The following TTC7B variants were observed in gnomAD, a reference collection of about 807,000 sequenced individuals.
TTC7B encodes the protein tetratricopeptide repeat domain 7B.
In TTC7B, 28 loss-of-function variants were observed where a neutral mutation model predicts 106.8. The ratio of observed to expected loss-of-function variants is 0.26; its 90% CI spans 0.19 to 0.36. The LOEUF (loss-of-function observed/expected upper bound fraction) is 0.36. TTC7B is among the 10% of genes least tolerant of loss of function. The pLI is 1.00. For synonymous variants in TTC7B, 405 were observed against 430.6 expected (o/e 0.94, Z 0.74); for missense variants, 862 against 1,076.4 (o/e 0.80, Z 2.79).
rs913815716 is a variant in TTC7B, at chr14:90,624,054, C to T, written c.1752-6009G>A. 6.6e-6 allele frequency among the ~76,000 whole-genome samples: 1 copy of T among 152,078 alleles called. No individual in the cohort carries two copies. Among genetic ancestry groups the T allele is most frequent in the African/African-American group, 2.4e-5 (1 of 41,430 alleles). On this transcript the variant is annotated intron_variant, in intron 15 of 19. Transcript: ENST00000328459. This position sits in a 1 kb window ranked among gnomAD's most constrained non-coding sequence, Gnocchi z 4.0. ...AAACAAAAACAAAACAAAACAAAAC[C>T]CATGAGTGTGCCTGTATGCATATGC...
chr14:90,746,051 T>C (rs1027252544), intron 3 of TTC7B, among the ~76,000 whole-genome samples: 55 of 152,202 alleles, frequency 3.6e-4, no homozygotes, highest in African/African-American at 1.3e-3. Context: ...TAAAGTTTCC[T>C]TCAAATGCCT....
At chr14:90,686,818 C>A (rs1007380489) in intron 7 of TTC7B, among the ~76,000 whole-genome samples, 1 of 152,182 alleles carries the variant, frequency 6.6e-6, no homozygotes, top group Non-Finnish European at 1.5e-5. Context: ...AAAAGAAATA[C>A]AAGCTTTATA....
intron 3 of TTC7B, among the ~76,000 whole-genome samples, chr14:90,779,188 T>C (rs1167290738): frequency 6.6e-6 from 1 of 152,228 alleles, no homozygotes; most frequent in African/African-American, 2.4e-5. Flanking sequence ...ATTCAAAGTG[T>C]CCCTCTTCCT....
At chr14:90,666,394 C>T (rs1405964096) in intron 9 of TTC7B, among the ~76,000 whole-genome samples, 1 of 152,180 alleles carries the variant, frequency 6.6e-6, no homozygotes, top group Non-Finnish European at 1.5e-5. Flanking sequence ...CTCCTGACCT[C>T]AGGTGATATG....
At chr14:90,809,454 G>A (rs533971406) in intron 1 of TTC7B, among the ~76,000 whole-genome samples, 111 of 152,350 alleles carry the variant, frequency 7.3e-4, no homozygotes, top group African/African-American at 2.6e-3. Flanking sequence ...GCCCAATCAA[G>A]GAGGAAAATG....
intron 19 of TTC7B, among the ~76,000 whole-genome samples, chr14:90,571,118 C>A (rs947980025): frequency 1.3e-5 from 2 of 152,190 alleles, no homozygotes; most frequent in African/African-American, 4.8e-5. Context: ...ACAAGAAAGT[C>A]CCCTCTCACT....
chr14:90,744,301 TTTTC>T (rs530820356), intron 4 of TTC7B, among the ~76,000 whole-genome samples: 14 of 152,140 alleles, frequency 9.2e-5, no homozygotes, highest in South Asian at 2.1e-4. Flanking sequence ...AACCATCTAT[TTTTC>T]TTTCTTTCTT....
intron 3 of TTC7B, among the ~76,000 whole-genome samples, chr14:90,764,728 A>G (rs1406958283): frequency 6.6e-6 from 1 of 152,238 alleles, no homozygotes; most frequent in East Asian, 1.9e-4. Context: ...ACCACTTATC[A>G]TTAGGGAAAT....
At chr14:90,767,093 C>G in intron 3 of TTC7B, 1 of 624,722 alleles carries the variant, frequency 1.6e-6, no homozygotes, top group Non-Finnish European at 2.7e-6. Context: ...GTAGCTCACA[C>G]CTGTAACTGC....
intron 5 of TTC7B, among the ~76,000 whole-genome samples, chr14:90,701,713 C>T: frequency 6.7e-6 from 1 of 149,938 alleles, no homozygotes. Context: ...TATATATACA[C>T]ACACACAAAT....
intron 8 of TTC7B, among the ~76,000 whole-genome samples, chr14:90,678,112 T>C (rs932623612): frequency 1.3e-5 from 2 of 152,254 alleles, no homozygotes; most frequent in African/African-American, 4.8e-5. Context: ...TTTCAAGTTA[T>C]ACTAAATGCA....
intron 19 of TTC7B, among the ~76,000 whole-genome samples, chr14:90,550,207 G>A (rs758740753): frequency 2.0e-5 from 3 of 152,148 alleles, no homozygotes; most frequent in African/African-American, 7.2e-5. Context: ...CAGCTTTGAC[G>A]GGACAAGAGA....
In TTC7B at chr14:90,711,215, A is replaced by G. The variant is rs573769718; in HGVS notation, c.699-15637T>C. ...GGTAAATATAAAAGACTGTATAAAT[A>G]TTGTTTTATCTTTTCTTCTTTTAAT... On this transcript the variant is annotated intron_variant, in intron 5 of 19. Transcript: ENST00000328459. 2.0e-5 allele frequency among the ~76,000 whole-genome samples: 3 copies of G among 152,310 alleles called. No individual in the cohort carries two copies. In the South Asian group the frequency reaches 6.2e-4, roughly 32 times the overall value.
intron 1 of TTC7B, among the ~76,000 whole-genome samples, chr14:90,792,150 T>G (rs72695545): frequency 0.028 from 4,304 of 152,248 alleles, 97 homozygotes; most frequent in Non-Finnish European, 0.042. Flanking sequence ...GGTTTCATAG[T>G]TGCAGAGAGG....
Position 90,658,113 on chromosome 14 carries a change from T to C in TTC7B, c.1236+191A>G, listed in dbSNP as rs1886024867. 2.4e-5 allele frequency: 14 copies of C among 587,552 alleles called. No homozygotes were observed. In the South Asian group the frequency reaches 2.7e-4, roughly 11 times the overall value. The allele number at this position is 587,552 out of a possible 1,614,324, so 36.4% of individuals were successfully genotyped here. A position where few individuals can be genotyped will look rare whatever the true frequency, so the allele number is the denominator to read the frequency against. ...GACAAATATTTCAGAATTTTTCTTC[T>C]CAGTGATAAGTCCATCTTGGCTCCC... is the stretch of plus-strand genomic sequence containing the variant. On this transcript the variant is annotated intron_variant, in intron 10 of 19. Transcript: ENST00000328459.
chr14:90,746,554 CCTT>C (rs1237169721), intron 3 of TTC7B, among the ~76,000 whole-genome samples: 1 of 152,058 alleles, frequency 6.6e-6, no homozygotes, highest in African/African-American at 2.4e-5. Context: ...TTTTCTCTAT[CCTT>C]CTTCTGTTTT....
intron 19 of TTC7B, among the ~76,000 whole-genome samples, chr14:90,548,025 T>C (rs1889910068): frequency 6.6e-6 from 1 of 152,292 alleles, no homozygotes; most frequent in East Asian, 1.9e-4. Context: ...TTATTGCTTT[T>C]CCCCAGGCAT....
At chr14:90,598,444 C>T (rs954576145) in intron 17 of TTC7B, among the ~76,000 whole-genome samples, 1 of 152,204 alleles carries the variant, frequency 6.6e-6, no homozygotes, top group Non-Finnish European at 1.5e-5. Flanking sequence ...CTAGGCTCCT[C>T]TCTCCATCAC....
chr14:90,601,261 T>A (rs1009867091), intron 17 of TTC7B, among the ~76,000 whole-genome samples: 2 of 152,218 alleles, frequency 1.3e-5, no homozygotes, highest in African/African-American at 4.8e-5. Context: ...CCTAGATTTC[T>A]TTTAAAGCTA....
Sources: allele counts gnomAD v4.1 joint callset (sites outside exome capture counted in the v4.1 genomes callset), GRCh38; gene constraint gnomAD v4.1.1; non-coding constraint Gnocchi (gnomAD v3.1); transcripts MANE v1.5; gene names NCBI Gene and HGNC (gene_info 2026-07-23, HGNC 2026-07-21).